MDGA2: variants seen among roughly 807,000 people sequenced by gnomAD.
MDGA2 encodes the protein MAM domain-containing glycosylphosphatidylinositol anchor protein 2.
Under a neutral mutation model 117.8 loss-of-function variants are expected in MDGA2, and 40 were observed. The observed-to-expected ratio is 0.34, with a 90% CI of 0.26 to 0.44. The LOEUF is 0.44. Ranked by LOEUF, MDGA2 falls within the 20% of genes least tolerant of loss-of-function variation. MDGA2 has a pLI of 1.00. For missense variants in MDGA2, 1,123 were observed against 1,250.6 expected (o/e 0.90, Z 1.54); for synonymous variants, 452 against 439.0 (o/e 1.03, Z -0.37).
chr14:47,242,733 C>A (rs1887094501), intron 2 of MDGA2, among the ~76,000 whole-genome samples: 1 of 151,814 alleles, frequency 6.6e-6, no homozygotes, highest in East Asian at 1.9e-4. Flanking sequence ...CCACCCACTC[C>A]ATGGGCCCCT....
At chr14:47,265,291 T>C (rs1887929076) in intron 2 of MDGA2, among the ~76,000 whole-genome samples, 1 of 152,186 alleles carries the variant, frequency 6.6e-6, no homozygotes, top group African/African-American at 2.4e-5. Context: ...TTGGTTTTAA[T>C]ATATTTAATT....
At chr14:47,633,336 A>G (rs1897271164) in intron 1 of MDGA2, among the ~76,000 whole-genome samples, 1 of 152,218 alleles carries the variant, frequency 6.6e-6, no homozygotes, top group African/African-American at 2.4e-5. Flanking sequence ...TTCAATAAAG[A>G]GCAGGGGGCT....
intron 1 of MDGA2, among the ~76,000 whole-genome samples, chr14:47,545,441 C>A (rs966203535): frequency 5.9e-5 from 9 of 152,076 alleles, no homozygotes; most frequent in African/African-American, 2.2e-4. Flanking sequence ...GGGCAGGGAT[C>A]ATGTGAGAGA....
At chr14:47,605,775 T>C (rs183295681) in intron 1 of MDGA2, among the ~76,000 whole-genome samples, 87 of 152,306 alleles carry the variant, frequency 5.7e-4, no homozygotes, top group African/African-American at 2.0e-3. Flanking sequence ...ACAGTAGGTT[T>C]TCAAAATCTC....
At chr14:47,330,412 G>C (rs892796275) in intron 1 of MDGA2, among the ~76,000 whole-genome samples, 2 of 151,796 alleles carry the variant, frequency 1.3e-5, no homozygotes, top group African/African-American at 4.8e-5. Flanking sequence ...GAGAAAGAAG[G>C]ACATATATTT....
chr14:47,127,111 A>G (rs1339410429), intron 5 of MDGA2, among the ~76,000 whole-genome samples: 1 of 152,166 alleles, frequency 6.6e-6, no homozygotes, highest in Non-Finnish European at 1.5e-5. Context: ...ACATATTACA[A>G]TATGTATAAT....
At chr14:46,863,547 A>G (rs1434187036) in intron 14 of MDGA2, among the ~76,000 whole-genome samples, 1 of 152,152 alleles carries the variant, frequency 6.6e-6, no homozygotes, top group Non-Finnish European at 1.5e-5. Context: ...AAAGTTTGGT[A>G]CACTGGATGA....
chr14:47,509,815 T>G (rs989224786), intron 1 of MDGA2, among the ~76,000 whole-genome samples: 1 of 152,218 alleles, frequency 6.6e-6, no homozygotes, highest in Non-Finnish European at 1.5e-5. Context: ...AAACATAACA[T>G]GTTTAATTTC....
At chr14:47,029,890 A>G (rs148830594) in intron 8 of MDGA2, among the ~76,000 whole-genome samples, 54 of 151,928 alleles carry the variant, frequency 3.6e-4, no homozygotes, top group Non-Finnish European at 7.5e-4. Context: ...TGCAGTGGCA[A>G]AATCTCGGGT....
chr14:47,102,400 C>T (rs914802470), intron 5 of MDGA2, among the ~76,000 whole-genome samples: 3 of 150,782 alleles, frequency 2.0e-5, no homozygotes, highest in Non-Finnish European at 1.5e-5. Flanking sequence ...CACAAACACA[C>T]ACACACACAC....
chr14:47,548,680 A>G (rs1207423616), intron 1 of MDGA2, among the ~76,000 whole-genome samples: 2 of 152,132 alleles, frequency 1.3e-5, no homozygotes, highest in Non-Finnish European at 2.9e-5. Flanking sequence ...GTTTGTGCAA[A>G]GCCTCGAGAT....
At chr14:47,207,599 CTTT>C (rs1202588921) in intron 3 of MDGA2, among the ~76,000 whole-genome samples, 2 of 151,808 alleles carry the variant, frequency 1.3e-5, no homozygotes, top group Non-Finnish European at 2.9e-5. Flanking sequence ...TTTCTAAAAG[CTTT>C]TTTTCACATA....
intron 1 of MDGA2, among the ~76,000 whole-genome samples, chr14:47,490,628 A>T (rs538965844): frequency 8.1e-4 from 123 of 152,284 alleles, no homozygotes; most frequent in Admixed American, 2.4e-3. Context: ...CTAAAAAGCT[A>T]TAATAGAAGT....
At position 47,674,905 on chromosome 14, in the gene MDGA2, C is replaced by T; in HGVS notation, c.-109G>A. 1.9e-6 allele frequency: 1 copy of T among 537,914 alleles called. No individual in the cohort carries two copies. The highest frequency in any genetic ancestry group is 3.2e-6 in the Non-Finnish European group (1 of 310,114). The allele number at this position is 537,914 out of a possible 1,614,324, so 33.3% of individuals were successfully genotyped here. A position where few individuals can be genotyped will look rare whatever the true frequency, so the allele number is the denominator to read the frequency against. ...CGGGTGCCTGGGAAAATCGCAGACG[C>T]CGGGGAGGAGCAGGGGGCGGTGATG... is the stretch of plus-strand genomic sequence containing the variant. On this transcript the variant is annotated 5_prime_UTR_variant, in exon 1 of 17. Transcript: ENST00000399232.
intron 10 of MDGA2, among the ~76,000 whole-genome samples, chr14:46,888,721 T>G (rs1294175196): frequency 6.6e-6 from 1 of 151,754 alleles, no homozygotes; most frequent in Non-Finnish European, 1.5e-5. Context: ...TCTTTTTTTT[T>G]TTTCTTGGAC....
chr14:47,147,647 C>T (rs528284003), intron 3 of MDGA2, among the ~76,000 whole-genome samples: 44 of 152,234 alleles, frequency 2.9e-4, no homozygotes, highest in African/African-American at 8.4e-4. Flanking sequence ...CTCTCAGCAG[C>T]GGGAGGAATG....
At chr14:47,336,832 T>C (rs1376315883) in intron 1 of MDGA2, among the ~76,000 whole-genome samples, 1 of 152,012 alleles carries the variant, frequency 6.6e-6, no homozygotes, top group Non-Finnish European at 1.5e-5. Context: ...TTCCTGAGTG[T>C]AAAAGAGTTC....
At chr14:47,232,237 T>G (rs548624247) in intron 2 of MDGA2, among the ~76,000 whole-genome samples, 1 of 152,188 alleles carries the variant, frequency 6.6e-6, no homozygotes, top group Non-Finnish European at 1.5e-5. Flanking sequence ...ACAGTATACA[T>G]AGTCAAGAAA....
intron 2 of MDGA2, among the ~76,000 whole-genome samples, chr14:47,260,748 G>A (rs1411289016): frequency 6.6e-6 from 1 of 151,944 alleles, no homozygotes; most frequent in African/African-American, 2.4e-5. Context: ...TTGTAAGCTG[G>A]GAGCTGATAC....
Sources: allele counts gnomAD v4.1 joint callset (sites outside exome capture counted in the v4.1 genomes callset), GRCh38; gene constraint gnomAD v4.1.1; transcripts MANE v1.5; gene names NCBI Gene and HGNC (gene_info 2026-07-23, HGNC 2026-07-21).